GAB1: variants seen among roughly 807,000 people sequenced by gnomAD.
GAB1 encodes GRB2 associated binding protein 1.
GAB1 carries 19 observed loss-of-function variants against 66.5 expected under a neutral mutation model. That is an observed-to-expected ratio of 0.29 (90% CI 0.20 to 0.42). The LOEUF (loss-of-function observed/expected upper bound fraction) is 0.42, where lower values mean the gene tolerates loss of function less well. Among genes scored for constraint, GAB1 ranks in the 10% least tolerant of loss-of-function variants. The pLI is 1.00. For missense variants in GAB1, 732 were observed against 858.5 expected, an observed-to-expected ratio of 0.85 and a Z score of 1.84; for synonymous variants, 294 against 301.4, an observed-to-expected ratio of 0.98 and a Z score of 0.25.
At chr4:143,342,287 T>C (rs897164763) in intron 1 of GAB1, among the ~76,000 whole-genome samples, 4 of 152,342 alleles carry the variant, frequency 2.6e-5, no homozygotes, top group African/African-American at 9.6e-5. Flanking sequence ...TTGAGAATTC[T>C]GCTGGCTCTT....
intron 1 of GAB1, chr4:143,349,774 A>G: frequency 6.3e-7 from 1 of 1,592,094 alleles, no homozygotes; most frequent in Non-Finnish European, 8.5e-7. Flanking sequence ...CCCGATAGCA[A>G]CGAATGCCTT....
intron 1 of GAB1, among the ~76,000 whole-genome samples, chr4:143,364,868 CTTTTTTTTTTTTTTT>C (rs745401852): frequency 6.9e-5 from 6 of 86,770 alleles, no homozygotes; most frequent in African/African-American, 2.7e-4. Context: ...CCTGCATCTA[CTTTTTTTTTTTTTTT>C]TTTTTTTTTT....
At chr4:143,378,428 T>A (rs182837702) in intron 1 of GAB1, among the ~76,000 whole-genome samples, 2 of 152,368 alleles carry the variant, frequency 1.3e-5, no homozygotes, top group Admixed American at 1.3e-4. Flanking sequence ...ATATATGTTC[T>A]GGTTCTTTTC....
chr4:143,367,000 T>C (rs151096661), intron 1 of GAB1, among the ~76,000 whole-genome samples: 64 of 152,114 alleles, frequency 4.2e-4, no homozygotes, highest in African/African-American at 1.4e-3. Flanking sequence ...TGAATAACAG[T>C]GTTTACTGTA....
intron 2 of GAB1, among the ~76,000 whole-genome samples, chr4:143,433,281 A>G (rs1209263601): frequency 1.3e-5 from 2 of 152,206 alleles, no homozygotes; most frequent in Admixed American, 6.5e-5. Context: ...TCTGGAATAT[A>G]TATAGAGTCC....
At chr4:143,415,363 A>G (rs944992274) in intron 1 of GAB1, 114 bp from the exon 2 acceptor site, 5 of 813,272 alleles carry the variant, frequency 6.1e-6, no homozygotes, top group Non-Finnish European at 9.5e-6. Context: ...AAACACACAC[A>G]TATTGTGACT....
chr4:143,369,416 G>T (rs1273324027), intron 1 of GAB1, among the ~76,000 whole-genome samples: 1 of 152,112 alleles, frequency 6.6e-6, no homozygotes, highest in Non-Finnish European at 1.5e-5. Flanking sequence ...AATTCATTTA[G>T]TTTTTCACTC....
chr4:143,440,487 A>G (rs1231126531), intron 6 of GAB1, 105 bp downstream of exon 6: 12 of 1,092,374 alleles, frequency 1.1e-5, no homozygotes, highest in Non-Finnish European at 1.6e-5. Flanking sequence ...ATTCTGAAAT[A>G]TTTCATAGTT....
chr4:143,395,847 GAAGA>G (rs1287192062), intron 1 of GAB1: 1 of 454,072 alleles, frequency 2.2e-6, no homozygotes, highest in Non-Finnish European at 4.4e-6. Flanking sequence ...AGGAGTAAGT[GAAGA>G]AAGAAGAAGG....
intron 1 of GAB1, among the ~76,000 whole-genome samples, chr4:143,385,154 C>T (rs1730841490): frequency 6.6e-6 from 1 of 152,088 alleles, no homozygotes; most frequent in Non-Finnish European, 1.5e-5. Flanking sequence ...CTCTCTGAAT[C>T]TCCTCTGTAA....
chr4:143,411,065 A>C (rs1732360315), intron 1 of GAB1, among the ~76,000 whole-genome samples: 1 of 152,122 alleles, frequency 6.6e-6, no homozygotes, highest in Non-Finnish European at 1.5e-5. Context: ...GACAGAGCAG[A>C]GTGTTTGGGA....
chr4:143,465,319 C>T (rs1735724536), intron 8 of GAB1, among the ~76,000 whole-genome samples: 1 of 152,158 alleles, frequency 6.6e-6, no homozygotes, highest in Admixed American at 6.5e-5. Flanking sequence ...CATCTATCTT[C>T]CTACCTTCTT....
chr4:143,337,700 C>T (rs1413608606), intron 1 of GAB1, among the ~76,000 whole-genome samples: 2 of 152,198 alleles, frequency 1.3e-5, no homozygotes, highest in Non-Finnish European at 1.5e-5. Flanking sequence ...CTAGCCCTTT[C>T]TTTGGTGGGC....
chr4:143,395,199 A>G (rs1020139038), intron 1 of GAB1: 1 of 152,256 alleles, frequency 6.6e-6, no homozygotes, highest in African/African-American at 2.4e-5. Context: ...ATAGAATTCT[A>G]AAATTAATCC....
intron 2 of GAB1, among the ~76,000 whole-genome samples, chr4:143,426,798 A>T (rs1284339539): frequency 6.6e-6 from 1 of 151,992 alleles, no homozygotes; most frequent in Non-Finnish European, 1.5e-5. Context: ...CTAAATAAAC[A>T]TGCTTGTGGT....
chr4:143,444,553 T>C lies in GAB1; in HGVS notation c.1585+4171T>C, dbSNP rs916330924. ...CTAAACATTTTTTCAAGAGATCTTT[T>C]AAAGTTTCTGAATGTGATTAAAAAT... On this transcript the variant is annotated intron_variant, in intron 6 of 9. Coordinates refer to ENST00000262994, the MANE Select transcript of GAB1 (RefSeq NM_002039.4). Among the ~76,000 whole-genome samples, 3 of 152,226 alleles carry C rather than the reference T, an allele frequency of 2.0e-5. 1 individual carries two copies. Among genetic ancestry groups the C allele is most frequent in the African/African-American group, 7.2e-5 (3 of 41,452 alleles).
At position 143,436,414 on chromosome 4, in the gene GAB1, A is replaced by C. The variant is rs545665089; in HGVS notation, c.594-1585A>C. Among the ~76,000 whole-genome samples the C allele has an allele frequency of 3.9e-5, 6 of 152,308 alleles. No individual in the cohort carries two copies. In the East Asian group the frequency reaches 1.2e-3, roughly 29 times the overall value. On this transcript the variant is annotated intron_variant, in intron 3 of 9. Coordinates refer to ENST00000262994, the MANE Select transcript of GAB1 (RefSeq NM_002039.4). The stretch of plus-strand genomic sequence containing the variant: ...CTTACTAGGTTTTTCTCTTGAATAC[A>C]TGAGTGGTATAACAACTGTGTTTTG...
chr4:143,437,421 G>A (rs1733994538), intron 3 of GAB1, among the ~76,000 whole-genome samples: 1 of 152,138 alleles, frequency 6.6e-6, no homozygotes, highest in South Asian at 2.1e-4. Flanking sequence ...TCTTTATAAT[G>A]TTGGCTAAAT....
intron 6 of GAB1, among the ~76,000 whole-genome samples, chr4:143,453,452 C>T (rs909505749): frequency 1.3e-5 from 2 of 152,106 alleles, no homozygotes; most frequent in Admixed American, 6.5e-5. Flanking sequence ...TTGGCTCATA[C>T]GAGTCTCCTT....
Sources: allele counts gnomAD v4.1 joint callset (sites outside exome capture counted in the v4.1 genomes callset), GRCh38; gene constraint gnomAD v4.1.1; transcripts MANE v1.5; gene names NCBI Gene and HGNC (gene_info 2026-07-23, HGNC 2026-07-21).